Variants in NCAM2 observed in about 807,000 individuals in gnomAD.
NCAM2 encodes N-CAM-2.
NCAM2 carries 30 observed loss-of-function variants against 98.1 expected under a neutral mutation model. The ratio of observed to expected loss-of-function variants is 0.31; its 90% confidence interval spans 0.23 to 0.41. NCAM2 has a LOEUF of 0.41. NCAM2 is among the 10% of genes least tolerant of loss of function. The pLI is 1.00. For synonymous variants in NCAM2, 368 were observed against 342.4 expected (o/e 1.07, Z -0.83); for missense variants, 867 against 1,005.8 (o/e 0.86, Z 1.87).
At chr21:21,424,748 T>G (rs1190256019) in intron 11 of NCAM2, among the ~76,000 whole-genome samples, 1 of 151,986 alleles carries the variant, frequency 6.6e-6, no homozygotes, top group Admixed American at 6.6e-5. Flanking sequence ...ATTCATCATG[T>G]TTGCAGGGCA....
At chr21:21,265,489 C>CGTGT (rs2072226106) in intron 1 of NCAM2, among the ~76,000 whole-genome samples, 1 of 134,752 alleles carries the variant, frequency 7.4e-6, no homozygotes, top group African/African-American at 2.8e-5. Flanking sequence ...TATATATACA[C>CGTGT]ATATATAATA....
chr21:21,530,968 A>ATTTTT (rs1218171621), intron 16 of NCAM2, among the ~76,000 whole-genome samples: 156 of 152,250 alleles, frequency 1.0e-3, no homozygotes, highest in Middle Eastern at 3.4e-3. Context: ...CATATTAAAT[A>ATTTTT]TCACCAATTT....
intron 1 of NCAM2, among the ~76,000 whole-genome samples, chr21:21,117,952 C>A (rs977334242): frequency 6.6e-6 from 1 of 152,020 alleles, no homozygotes; most frequent in African/African-American, 2.4e-5. Context: ...AACTAAGTTG[C>A]CTGATATTTA....
chr21:21,511,504 G>A (rs1988377625), intron 16 of NCAM2, among the ~76,000 whole-genome samples: 1 of 151,894 alleles, frequency 6.6e-6, no homozygotes, highest in Admixed American at 6.6e-5. Context: ...TCCATGGATG[G>A]ACACTTAGGT....
At chr21:21,149,953 A>T (rs548917545) in intron 1 of NCAM2, among the ~76,000 whole-genome samples, 1 of 152,250 alleles carries the variant, frequency 6.6e-6, no homozygotes, top group South Asian at 2.1e-4. Context: ...GCTGGATCAA[A>T]TGGTGTTTCT....
chr21:21,387,518 C>A (rs201381927), intron 9 of NCAM2, among the ~76,000 whole-genome samples: 15 of 148,042 alleles, frequency 1.0e-4, no homozygotes, highest in Middle Eastern at 3.4e-3. Context: ...ATATTCAAGA[C>A]AAAAAAAAAA....
rs563086557 is a variant in NCAM2, at chr21:21,447,293, A to G, written c.1654+15012A>G. 3.2e-4 allele frequency among the ~76,000 whole-genome samples: 48 copies of G among 152,230 alleles called. 1 individual carries two copies. The South Asian group carries it at 9.3e-3, about 30-fold the overall frequency. On this transcript the variant is annotated intron_variant, in intron 12 of 17. Coordinates refer to ENST00000400546, the MANE Select transcript of NCAM2 (RefSeq NM_004540.5). Reference sequence around the variant, plus strand: ...TTCTACAAACCTGACAAAACAAGCAATGGGGAAAGGATATCCTTTTCAATA... The same window carrying G: ...TTCTACAAACCTGACAAAACAAGCAGTGGGGAAAGGATATCCTTTTCAATA...
Position 21,034,596 on chromosome 21 carries a change from G to A in NCAM2, c.55+35978G>A, listed in dbSNP as rs1440086473. Among the ~76,000 whole-genome samples, 11 of 151,954 alleles carry A rather than the reference G, an allele frequency of 7.2e-5. No individual in the cohort carries two copies. The South Asian group carries it at 1.0e-3, about 14-fold the overall frequency. On this transcript the variant is annotated intron_variant, in intron 1 of 17. Transcript: ENST00000400546. Reference sequence around the variant, plus strand: ...TCTAATGATTTTAAATCAGAAAAATGGAAGAAAAATTTCAACTACTCATTT... The same window carrying A: ...TCTAATGATTTTAAATCAGAAAAATAGAAGAAAAATTTCAACTACTCATTT...
chr21:21,360,400 G>C (rs547280875), intron 8 of NCAM2, among the ~76,000 whole-genome samples: 9 of 152,010 alleles, frequency 5.9e-5, no homozygotes, highest in African/African-American at 2.2e-4. Context: ...TCTTATGATA[G>C]CATCAATGCT....
At chr21:21,471,340 A>G (rs944518921) in intron 14 of NCAM2, among the ~76,000 whole-genome samples, 1 of 152,044 alleles carries the variant, frequency 6.6e-6, no homozygotes, top group Non-Finnish European at 1.5e-5. Flanking sequence ...TGGAGATACC[A>G]TGATTGAATA....
intron 12 of NCAM2, among the ~76,000 whole-genome samples, chr21:21,442,206 A>AG (rs1279875749): frequency 6.6e-6 from 1 of 152,018 alleles, no homozygotes; most frequent in Non-Finnish European, 1.5e-5. Flanking sequence ...GAGTGCAATA[A>AG]GGCGGAACAG....
At chr21:21,325,412 C>A in intron 6 of NCAM2, among the ~76,000 whole-genome samples, 1 of 152,160 alleles carries the variant, frequency 6.6e-6, no homozygotes, top group Non-Finnish European at 1.5e-5. Flanking sequence ...TTACCTTCAA[C>A]TTTCAACCCT....
chr21:21,481,545 A>C (rs965294249), intron 15 of NCAM2, among the ~76,000 whole-genome samples: 7 of 152,182 alleles, frequency 4.6e-5, no homozygotes, highest in Non-Finnish European at 8.8e-5. Context: ...TTTAGACTCC[A>C]TATTTATTTA....
intron 1 of NCAM2, among the ~76,000 whole-genome samples, chr21:21,265,810 G>T (rs2072247530): frequency 6.6e-6 from 1 of 151,960 alleles, no homozygotes; most frequent in South Asian, 2.1e-4. Context: ...ACTACTCACT[G>T]TGTTCACCAT....
intron 17 of NCAM2, among the ~76,000 whole-genome samples, chr21:21,536,775 A>G (rs1338800805): frequency 6.6e-6 from 1 of 152,214 alleles, no homozygotes; most frequent in Non-Finnish European, 1.5e-5. Flanking sequence ...TGTCATGTAC[A>G]CAATAGTAAA....
intron 1 of NCAM2, among the ~76,000 whole-genome samples, chr21:21,232,553 G>A (rs1432524379): frequency 6.6e-6 from 1 of 151,396 alleles, no homozygotes; most frequent in Non-Finnish European, 1.5e-5. Context: ...CTGGTAAATA[G>A]GATTTAGAGT....
At chr21:21,036,608 C>T (rs1249719286) in intron 1 of NCAM2, among the ~76,000 whole-genome samples, 2 of 152,024 alleles carry the variant, frequency 1.3e-5, no homozygotes, top group Non-Finnish European at 2.9e-5. Context: ...ATACTCAGTT[C>T]GTTGGGGAAA....
At chr21:21,205,366 C>T (rs547510321) in intron 1 of NCAM2, among the ~76,000 whole-genome samples, 35 of 152,184 alleles carry the variant, frequency 2.3e-4, no homozygotes, top group African/African-American at 7.2e-4. Flanking sequence ...GATACTACTG[C>T]GTACCAGTGG....
intron 8 of NCAM2, among the ~76,000 whole-genome samples, chr21:21,351,903 C>G (rs546613852): frequency 6.6e-6 from 1 of 151,968 alleles, no homozygotes; most frequent in African/African-American, 2.4e-5. Flanking sequence ...CACGCCATCA[C>G]GCCCGGCTAA....
Sources: allele counts gnomAD v4.1 joint callset (sites outside exome capture counted in the v4.1 genomes callset), GRCh38; gene constraint gnomAD v4.1.1; transcripts MANE v1.5; gene names NCBI Gene and HGNC (gene_info 2026-07-23, HGNC 2026-07-21).